HYI: variants seen among roughly 807,000 people sequenced by gnomAD.
The protein encoded by HYI is hydroxypyruvate isomerase (putative).
A neutral mutation model predicts 39.7 loss-of-function variants in HYI; 47 were observed. That is an observed-to-expected ratio of 1.18 (90% confidence interval 0.94 to 1.51). The LOEUF (loss-of-function observed/expected upper bound fraction) is 1.51, where lower values mean the gene tolerates loss of function less well. Ranked by LOEUF, HYI falls within the 40% of genes most tolerant of loss-of-function variation. HYI has a pLI of 0.00. For missense variants in HYI, 465 were observed against 370.3 expected (o/e 1.26, Z -2.10); for synonymous variants, 186 against 158.8 (o/e 1.17, Z -1.29).
Position 43,453,374 on chromosome 1 carries a change from G to T in HYI, c.311+12C>A. The stretch of plus-strand genomic sequence containing the variant: ...TGGGTCACAGGGGTGGGGGTGGGGT[G>T]GAGCGGGGTACCTGGGACAGCCCAG... On this transcript the variant is annotated intron_variant, in intron 2 of 7. Coordinates refer to ENST00000372430, the MANE Select transcript of HYI (RefSeq NM_001190880.3). 6.6e-7 allele frequency: 1 copy of T among 1,524,814 alleles called. No individual in the cohort carries two copies. The highest frequency in any genetic ancestry group is 8.9e-7 in the Non-Finnish European group (1 of 1,124,968). The allele number at this position is 1,524,814 out of a possible 1,614,324, so 94.5% of individuals were successfully genotyped here.
intron 7 of HYI, 40 bp from the exon 8 acceptor site, chr1:43,451,351 G>A (rs755828283): frequency 1.2e-5 from 19 of 1,612,634 alleles, no homozygotes; most frequent in Non-Finnish European, 1.5e-5. Context: ...AGCCCACAAG[G>A]AGAAAACAGC....
In HYI at chr1:43,451,220, TG is replaced by T; in HGVS notation, c.*17del. On this transcript the variant is annotated 3_prime_UTR_variant, in exon 8 of 8. Coordinates refer to ENST00000372430, the MANE Select transcript of HYI (RefSeq NM_001190880.3). ...ATGTCACTCGCTGTCTGGAGGCACGTGGGTGGTGTGCGGGCCCTCACTGGCC... is the reference window on the plus strand; with the variant it reads ...ATGTCACTCGCTGTCTGGAGGCACGTGGTGGTGTGCGGGCCCTCACTGGCC... The T allele has an allele frequency of 6.2e-7, 1 of 1,612,954 alleles. No individual in the cohort carries two copies. The highest frequency in any genetic ancestry group is 8.5e-7 in the Non-Finnish European group (1 of 1,179,056).
At position 43,453,829 on chromosome 1, in the gene HYI, T is replaced by C; in HGVS notation, c.-36A>G. 2.5e-6 allele frequency: 3 copies of C among 1,209,652 alleles called. No individual in the cohort carries two copies. Among genetic ancestry groups the C allele is most frequent in the Non-Finnish European group, 3.1e-6 (3 of 975,574 alleles). The allele number at this position is 1,209,652 out of a possible 1,614,324, so 74.9% of individuals were successfully genotyped here. ...GCCGGGCCGGGCGGAGTCCGCGGGA[T>C]CCAAAGGCGGCGGGCGGCGGGCGGC... On this transcript the variant is annotated 5_prime_UTR_variant, in exon 1 of 8. Transcript: ENST00000372430.
rs1394370528 is a variant in HYI at position 43,451,721 on chromosome 1, G to T, written c.556-4C>A. 1.2e-6 allele frequency: 2 copies of T among 1,613,956 alleles called. No individual in the cohort carries two copies. The highest frequency in any genetic ancestry group is 2.7e-5 in the African/African-American group (2 of 74,896). On this transcript the variant is annotated splice_polypyrimidine_tract_variant and splice_region_variant and intron_variant, in intron 5 of 7. Transcript: ENST00000372430. ...TGATCTGCCAGTGGAATATGTCCTA[G>T]GGAAGAGGATACTACATTCCGAGAC...
rs777700877 is a variant in HYI at position 43,453,629 on chromosome 1, C to T, written c.165G>A (p.Ala55=). The change falls in exon 1 of 8, where the codon GCG becomes GCA. Residue 55 remains alanine, a synonymous_variant. Transcript: ENST00000372430. ...TGTTGATCAGTACAAGCCGCAGCCC[C>T]GCTTCTCGCGCGGCGCGCGCCAGCG... ...PEALARAARE[A]GLRLVLINTP... The T allele has an allele frequency of 2.7e-6, 4 of 1,494,078 alleles. No homozygotes were observed. Among genetic ancestry groups the T allele is most frequent in the Non-Finnish European group, 2.7e-6 (3 of 1,127,930 alleles). 92.6% of individuals were successfully genotyped at this position (1,494,078 alleles called of 1,614,324 possible).
At chr1:43,453,072 A>G in intron 2 of HYI, 1 of 931,498 alleles carries the variant, frequency 1.1e-6, no homozygotes, top group Non-Finnish European at 1.7e-6. Flanking sequence ...TTAGGTGCCT[A>G]CCCTGCTCCC....
Position 43,453,736 on chromosome 1 carries a change from G to T in HYI, c.58C>A (p.Leu20Ile), listed in dbSNP as rs749613590. 7.2e-7 allele frequency: 1 copy of T among 1,388,068 alleles called. No individual in the cohort carries two copies. Among genetic ancestry groups the T allele is most frequent in the South Asian group, 1.7e-5 (1 of 60,334 alleles). 86.0% of individuals were successfully genotyped at this position (1,388,068 alleles called of 1,614,324 possible). The change falls in exon 1 of 8, where the codon CTC becomes ATC. Residue 20 changes from leucine to isoleucine, a missense_variant. Coordinates refer to ENST00000372430, the MANE Select transcript of HYI (RefSeq NM_001190880.3). ...CCCGCGGCCCGCACCCGCGCGGGGA[G>T]GCCGGAGAGCTCGGGGAATAGCCAG... ...LSWLFPELSG[L>I]PARVRAAGSS...
chr1:43,453,301 G>T, intron 2 of HYI, 85 bp downstream of exon 2: 1 of 867,812 alleles, frequency 1.2e-6, no homozygotes, highest in Non-Finnish European at 1.8e-6. Context: ...AGACTTCTGA[G>T]CGTCTCAGAT....
chr1:43,452,948 G>A (rs778938916), intron 2 of HYI: 6 of 1,609,382 alleles, frequency 3.7e-6, no homozygotes, highest in Admixed American at 1.7e-5. Flanking sequence ...GCCTCCTCTT[G>A]CCACAGCACC....
rs775666419 is a variant in HYI, at chr1:43,451,866, A to AG, written c.506-20dup. 6 of 1,613,916 alleles carry AG rather than the reference A, an allele frequency of 3.7e-6. No homozygotes were observed. The African/African-American group carries it at 8.0e-5, about 22-fold the overall frequency. ...GCTGCCGCTGTAAGAGAAGCCAGGG[A>AG]GGGGACCGTGAGCCTCAAGAGCACA... On this transcript the variant is annotated intron_variant, in intron 4 of 7. Transcript: ENST00000372430.
chr1:43,452,138 CTG>C, intron 3 of HYI, 65 bp downstream of exon 3: 1 of 1,501,464 alleles, frequency 6.7e-7, no homozygotes, highest in African/African-American at 1.4e-5. Context: ...GCTGTCCCCA[CTG>C]TGCACCCCCT....
downstream of HYI, chr1:43,450,613 G>C: frequency 7.4e-7 from 1 of 1,353,374 alleles, no homozygotes; most frequent in Non-Finnish European, 1.0e-6. This position sits in a 1 kb window ranked among gnomAD's most constrained non-coding sequence, Gnocchi z 4.3. Flanking sequence ...CAAAGGCTTT[G>C]TAACTATGTC....
Position 43,452,011 on chromosome 1 carries a change from C to G in HYI, c.429G>C (p.Glu143Asp). 4.4e-6 allele frequency: 7 copies of G among 1,605,676 alleles called. No homozygotes were observed. The highest frequency in any genetic ancestry group is 6.0e-6 in the Non-Finnish European group (7 of 1,174,718). Residue 143 changes from glutamate to aspartate, a missense_variant and splice_region_variant, in exon 4 of 8, where the codon GAG becomes GAC. Transcript: ENST00000372430. ...TGGGCTCCAGCAGTCCCACGAGGTC[C>G]TCCTAGCAGCATGTCGGGTGCTGTG... ...LRHAAGVLAQEDLVGLLEPIN... is the reference protein window; with the variant it reads ...LRHAAGVLAQDDLVGLLEPIN...
rs1656355437 is a variant in HYI, at chr1:43,451,168, C to G, written c.*70G>C. The G allele has an allele frequency of 5.8e-6, 8 of 1,377,904 alleles. 1 individual carries two copies. Among genetic ancestry groups the G allele is most frequent in the Middle Eastern group, 3.5e-4 (2 of 5,668 alleles). 85.4% of individuals were successfully genotyped at this position (1,377,904 alleles called of 1,614,324 possible). ...AGACATATGACAATGTTCAGCAGGTCATCTTTAATGCAGAGGAGGAGATGG... is the reference window on the plus strand; with the variant it reads ...AGACATATGACAATGTTCAGCAGGTGATCTTTAATGCAGAGGAGGAGATGG... On this transcript the variant is annotated 3_prime_UTR_variant, in exon 8 of 8. Coordinates refer to ENST00000372430, the MANE Select transcript of HYI (RefSeq NM_001190880.3).
rs1656471060 is a variant in HYI, at chr1:43,451,858, A to G, written c.506-11T>C. On this transcript the variant is annotated splice_polypyrimidine_tract_variant and intron_variant, in intron 4 of 7. Coordinates refer to ENST00000372430, the MANE Select transcript of HYI (RefSeq NM_001190880.3). The stretch of plus-strand genomic sequence containing the variant: ...GTAAGATGGCTGCCGCTGTAAGAGA[A>G]GCCAGGGAGGGGACCGTGAGCCTCA... 1 of 1,614,072 alleles carries G rather than the reference A, an allele frequency of 6.2e-7. No homozygotes were observed. The highest frequency in any genetic ancestry group is 8.5e-7 in the Non-Finnish European group (1 of 1,179,986).
downstream of HYI, chr1:43,450,933 C>A: frequency 1.3e-6 from 1 of 756,154 alleles, no homozygotes; most frequent in African/African-American, 1.7e-5. The surrounding 1 kb of genome is among the most constrained non-coding windows in gnomAD (Gnocchi z 4.3). Context: ...CGAGATGACA[C>A]CTGGGTTCCA....
At chr1:43,452,069 A>T in intron 3 of HYI, 56 bp from the exon 4 acceptor site, 1 of 1,558,630 alleles carries the variant, frequency 6.4e-7, no homozygotes, top group Middle Eastern at 1.7e-4. Context: ...GTCCCCCATC[A>T]GTCAGTCACT....
chr1:43,451,862 AG>A lies in HYI; in HGVS notation c.506-16del. 1.2e-6 allele frequency: 2 copies of A among 1,614,104 alleles called. No individual in the cohort carries two copies. The highest frequency in any genetic ancestry group is 1.7e-6 in the Non-Finnish European group (2 of 1,179,986). ...GATGGCTGCCGCTGTAAGAGAAGCC[AG>A]GGAGGGGACCGTGAGCCTCAAGAGC... On this transcript the variant is annotated splice_polypyrimidine_tract_variant and intron_variant, in intron 4 of 7. Coordinates refer to ENST00000372430, the MANE Select transcript of HYI (RefSeq NM_001190880.3).
chr1:43,453,381 G>C lies in HYI; in HGVS notation c.311+5C>G. ...CAGGGGTGGGGGTGGGGTGGAGCGG[G>C]GTACCTGGGACAGCCCAGGGCTTTG... is the stretch of plus-strand genomic sequence containing the variant. On this transcript the variant is annotated splice_donor_5th_base_variant and intron_variant, in intron 2 of 7. Transcript: ENST00000372430. The C allele has an allele frequency of 6.5e-7, 1 of 1,539,420 alleles. No homozygotes were observed. The highest frequency in any genetic ancestry group is 8.8e-7 in the Non-Finnish European group (1 of 1,137,058).
Sources: allele counts gnomAD v4.1 joint callset, GRCh38; gene constraint gnomAD v4.1.1; non-coding constraint Gnocchi (gnomAD v3.1); transcripts MANE v1.5; gene names NCBI Gene and HGNC (gene_info 2026-07-23, HGNC 2026-07-21).